NOTCH2NLA: variants seen among roughly 807,000 people sequenced by gnomAD.
NOTCH2NLA encodes the protein notch 2 N-terminal like A, also known as notch homolog 2 N-terminal-like protein A.
Position 146,185,276 on chromosome 1 carries a change from T to C in NOTCH2NLA, c.38+4024A>G, listed in dbSNP as rs587722672. On this transcript the variant is annotated intron_variant, in intron 2 of 4. Transcript: ENST00000362074. ...TTAATCAAATTGGGATTTAGAATGG[T>C]TTATATTTGAAAATCTGAAGCAAAC... 8.9e-3 allele frequency among the ~76,000 whole-genome samples: 1,213 copies of C among 136,304 alleles called. 80 individuals are homozygous for C. The highest frequency in any genetic ancestry group is 0.028 in the African/African-American group (1,143 of 40,326). The allele number at this position is 136,304 out of a possible 152,430, so 89.4% of individuals were successfully genotyped here. A position where few individuals can be genotyped will look rare whatever the true frequency, so the allele number is the denominator to read the frequency against.
At chr1:146,172,769 G>A (rs1214206339) in intron 2 of NOTCH2NLA, among the ~76,000 whole-genome samples, 1 of 150,740 alleles carries the variant, frequency 6.6e-6, no homozygotes, top group African/African-American at 2.4e-5. Context: ...CCACTGTTAT[G>A]TCTTTGCTGT....
intron 2 of NOTCH2NLA, among the ~76,000 whole-genome samples, chr1:146,188,743 AT>A (rs61636507): frequency 6.7e-5 from 1 of 14,994 alleles, no homozygotes; most frequent in African/African-American, 4.0e-4. Flanking sequence ...ACATTTTTTT[AT>A]TTTTTTTTAT....
At chr1:146,219,917 T>G (rs2312137) in intron 1 of NOTCH2NLA, among the ~76,000 whole-genome samples, 1 of 75,792 alleles carries the variant, frequency 1.3e-5, no homozygotes, top group Non-Finnish European at 2.4e-5. Context: ...ATTTTATTTA[T>G]GCTTTTCTAG....
downstream of NOTCH2NLA, chr1:146,153,756 T>G (rs1661009136): frequency 6.6e-6 from 1 of 151,696 alleles, no homozygotes. Flanking sequence ...CAGGCACTAT[T>G]CCCCTTTGTG....
chr1:146,228,566 T>A, intron 1 of NOTCH2NLA, 143 bp downstream of exon 1: 1 of 1,354,942 alleles, frequency 7.4e-7, no homozygotes, highest in Non-Finnish European at 9.8e-7. Context: ...ATGTCCAAAC[T>A]CTCGGGAACC....
chr1:146,174,210 G>A (rs12094748), intron 2 of NOTCH2NLA, among the ~76,000 whole-genome samples: 12,161 of 140,880 alleles, frequency 0.086, 31 homozygotes, highest in Middle Eastern at 0.17. Flanking sequence ...ATAGCCACTC[G>A]TCTACAGAAA....
chr1:146,171,430 CAAAA>C lies in NOTCH2NLA; in HGVS notation c.39-6424_39-6421del, dbSNP rs11381117. Among the ~76,000 whole-genome samples, 351 of 125,934 alleles carry C rather than the reference CAAAA, an allele frequency of 2.8e-3. 8 individuals are homozygous for C. Among genetic ancestry groups the C allele is most frequent in the Non-Finnish European group, 4.3e-3 (230 of 54,032 alleles). The allele number at this position is 125,934 out of a possible 152,430, so 82.6% of individuals were successfully genotyped here. ...TGGGCAACAGAGCGAGACTCCCTCT[CAAAA>C]AAAAAAAAAATTCACAGCTAGTAGA... On this transcript the variant is annotated intron_variant, in intron 2 of 4. Transcript: ENST00000362074.
intron 2 of NOTCH2NLA, among the ~76,000 whole-genome samples, chr1:146,174,446 A>G (rs587741706): frequency 8.2e-5 from 12 of 146,052 alleles, no homozygotes; most frequent in African/African-American, 3.1e-4. Context: ...TTGGCCATTC[A>G]AGAAACAACA....
chr1:146,171,527 C>T (rs587609545), intron 2 of NOTCH2NLA, among the ~76,000 whole-genome samples: 1 of 115,096 alleles, frequency 8.7e-6, no homozygotes, highest in Admixed American at 9.5e-5. Flanking sequence ...GGCTATCCTG[C>T]CTCCCCATCA....
intron 1 of NOTCH2NLA, among the ~76,000 whole-genome samples, chr1:146,223,987 C>T (rs587731847): frequency 8.9e-4 from 125 of 140,646 alleles, no homozygotes; most frequent in Non-Finnish European, 1.2e-3. Flanking sequence ...ACAGACCTGG[C>T]CCTCAAGGAT....
intron 3 of NOTCH2NLA, among the ~76,000 whole-genome samples, chr1:146,157,927 G>T (rs1319288011): frequency 7.8e-6 from 1 of 127,660 alleles, no homozygotes; most frequent in African/African-American, 3.0e-5. Context: ...GGTCTCGAAG[G>T]TATTCCGTGG....
intron 3 of NOTCH2NLA, among the ~76,000 whole-genome samples, chr1:146,159,393 G>GAAAGAA (rs1341934537): frequency 1.8e-5 from 2 of 111,154 alleles, no homozygotes; most frequent in Non-Finnish European, 3.7e-5. Context: ...GAGAAAGAGA[G>GAAAGAA]AGAAAGAAAG....
intron 2 of NOTCH2NLA, among the ~76,000 whole-genome samples, chr1:146,187,843 A>AT (rs1178647228): frequency 2.9e-5 from 4 of 135,674 alleles, no homozygotes; most frequent in Admixed American, 7.7e-5. Flanking sequence ...AATGCACCAC[A>AT]TTTTTTTTTC....
intron 2 of NOTCH2NLA, among the ~76,000 whole-genome samples, chr1:146,186,935 T>C (rs1269970090): frequency 7.4e-6 from 1 of 134,822 alleles, no homozygotes; most frequent in African/African-American, 2.5e-5. Flanking sequence ...TAGGCATACA[T>C]GTGCCATGGT....
intron 2 of NOTCH2NLA, among the ~76,000 whole-genome samples, chr1:146,175,766 TAA>T (rs1372214154): frequency 1.4e-5 from 1 of 69,356 alleles, no homozygotes; most frequent in African/African-American, 4.4e-5. Context: ...GCTTCCAAAT[TAA>T]AAGTTTCCCA....
chr1:146,158,694 C>T (rs370965288), intron 3 of NOTCH2NLA, among the ~76,000 whole-genome samples: 6 of 152,200 alleles, frequency 3.9e-5, no homozygotes, highest in South Asian at 2.1e-4. Flanking sequence ...AATGGGATGG[C>T]GAGAACTCCT....
chr1:146,158,275 C>T (rs1264374073), intron 3 of NOTCH2NLA, among the ~76,000 whole-genome samples: 36 of 146,336 alleles, frequency 2.5e-4, no homozygotes, highest in Non-Finnish European at 4.7e-4. Context: ...ATTAACTCGT[C>T]ATTTACATTA....
At chr1:146,151,333 A>AG (rs1660933087), downstream of NOTCH2NLA, among the ~76,000 whole-genome samples, 2 of 54,954 alleles carry the variant, frequency 3.6e-5, no homozygotes, top group South Asian at 6.4e-4. Context: ...AAAAAAAAAA[A>AG]AAAAAGAAAA....
intron 1 of NOTCH2NLA, among the ~76,000 whole-genome samples, chr1:146,223,037 C>CA (rs201207937): frequency 0.049 from 60 of 1,216 alleles, no homozygotes; most frequent in Middle Eastern, 0.25. Flanking sequence ...CTAATACTCT[C>CA]AAAAAACAAA....
Sources: allele counts gnomAD v4.1 joint callset (sites outside exome capture counted in the v4.1 genomes callset), GRCh38; gene constraint gnomAD v4.1.1; transcripts MANE v1.5; gene names NCBI Gene and HGNC (gene_info 2026-07-23, HGNC 2026-07-21).